ABCC4: variants seen among roughly 807,000 people sequenced by gnomAD.
ABCC4 encodes the protein ATP binding cassette subfamily C member 4 (PEL blood group).
Under a neutral mutation model 168.5 loss-of-function variants are expected in ABCC4, and 102 were observed. The observed-to-expected ratio is 0.61, with a 90% CI of 0.52 to 0.71. The LOEUF (loss-of-function observed/expected upper bound fraction) is 0.71, where lower values mean the gene tolerates loss of function less well. Ranked by LOEUF, ABCC4 falls within the 30% of genes least tolerant of loss-of-function variation. The pLI, the probability that ABCC4 is intolerant of heterozygous loss-of-function variation, is 0.00. For synonymous variants in ABCC4, 617 were observed against 590.7 expected (o/e 1.04, Z -0.65); for missense variants, 1,402 against 1,605.8 (o/e 0.87, Z 2.17).
In ABCC4 at chr13:95,161,237, C is replaced by G; in HGVS notation, c.2407G>C (p.Glu803Gln). Residue 803 changes from glutamate (E) to glutamine (Q), a missense_variant, in exon 19 of 31, where the codon GAG (glutamate) becomes CAG (glutamine). By Grantham distance (29) the Glu-to-Gln change is conservative. Around this residue, in one of 3 missense-constraint regions of ABCC4, gnomAD observed 1,007 missense variants for 1,127.3 expected, o/e 0.89. Coordinates refer to ENST00000645237, the MANE Select transcript of ABCC4 (RefSeq NM_005845.5). ...SSQTLHNKMF[E>Q]SILKAPVLFF... Reference sequence around the variant, plus strand: ...AATACCGGAGCTTTCAGAATTGACTCAAACATTTTGTTGTGCAAAGTTTGT... The same window carrying G: ...AATACCGGAGCTTTCAGAATTGACTGAAACATTTTGTTGTGCAAAGTTTGT... 6.2e-7 allele frequency: 1 copy of G among 1,610,976 alleles called. No individual in the cohort carries two copies. Among genetic ancestry groups the G allele is most frequent in the African/African-American group, 1.3e-5 (1 of 74,936 alleles).
chr13:95,137,976 G>A (rs2036193567), intron 19 of ABCC4, among the ~76,000 whole-genome samples: 1 of 152,072 alleles, frequency 6.6e-6, no homozygotes, highest in South Asian at 2.1e-4. Flanking sequence ...TATTTTCTTT[G>A]GGGAAAGTGG....
chr13:95,097,717 G>A (rs1487677554), intron 20 of ABCC4, among the ~76,000 whole-genome samples: 3 of 139,792 alleles, frequency 2.1e-5, no homozygotes, highest in Non-Finnish European at 3.0e-5. Flanking sequence ...ATATGTTATC[G>A]AATTACAACA....
At chr13:95,253,738 C>T (rs893253718) in intron 1 of ABCC4, among the ~76,000 whole-genome samples, 2 of 150,658 alleles carry the variant, frequency 1.3e-5, no homozygotes, top group Admixed American at 1.3e-4. Flanking sequence ...AGCGAGACCC[C>T]ATCAAAAAAA....
chr13:95,141,702 C>A (rs1248216449), intron 19 of ABCC4, among the ~76,000 whole-genome samples: 2 of 152,176 alleles, frequency 1.3e-5, no homozygotes, highest in African/African-American at 4.8e-5. Flanking sequence ...CTAATCCAAT[C>A]ATCCAAGGAG....
intron 20 of ABCC4, among the ~76,000 whole-genome samples, chr13:95,102,000 T>G (rs1356963408): frequency 1.3e-5 from 2 of 152,178 alleles, no homozygotes; most frequent in Non-Finnish European, 2.9e-5. Flanking sequence ...ATGGAATAGG[T>G]AGAATTTTCT....
At chr13:95,069,878 G>A (rs2033668942) in intron 25 of ABCC4, among the ~76,000 whole-genome samples, 1 of 152,128 alleles carries the variant, frequency 6.6e-6, no homozygotes, top group African/African-American at 2.4e-5. Context: ...ATGGACACTT[G>A]GGCTGCTTCC....
intron 19 of ABCC4, among the ~76,000 whole-genome samples, chr13:95,124,323 C>T (rs2035675727): frequency 6.6e-6 from 1 of 152,100 alleles, no homozygotes; most frequent in Non-Finnish European, 1.5e-5. Context: ...CGGTGCCTTC[C>T]TCACTGAGAG....
intron 19 of ABCC4, among the ~76,000 whole-genome samples, chr13:95,127,087 C>A (rs1350083982): frequency 6.6e-6 from 1 of 151,708 alleles, no homozygotes; most frequent in African/African-American, 2.4e-5. Flanking sequence ...GGGGAATGTT[C>A]ACCTATCCAA....
intron 20 of ABCC4, among the ~76,000 whole-genome samples, chr13:95,100,156 G>A (rs1040878845): frequency 6.6e-6 from 1 of 152,130 alleles, no homozygotes; most frequent in Non-Finnish European, 1.5e-5. Flanking sequence ...AGAAGAGAAA[G>A]CACCACGAAT....
chr13:95,068,710 T>G (rs1229227247), intron 25 of ABCC4, among the ~76,000 whole-genome samples: 3 of 151,592 alleles, frequency 2.0e-5, no homozygotes, highest in Admixed American at 6.6e-5. Context: ...TTTGGGGGGG[T>G]TTTAAGATGG....
At chr13:95,153,946 C>T (rs557328223) in intron 19 of ABCC4, among the ~76,000 whole-genome samples, 1 of 152,212 alleles carries the variant, frequency 6.6e-6, no homozygotes, top group East Asian at 1.9e-4. Context: ...CTTCGTATCA[C>T]CCCTGATAAG....
chr13:95,024,687 C>T (rs2031301977), intron 30 of ABCC4, among the ~76,000 whole-genome samples: 1 of 152,104 alleles, frequency 6.6e-6, no homozygotes, highest in South Asian at 2.1e-4. Flanking sequence ...GCCTCAAGTT[C>T]ATCATTTTTA....
rs192068848 is a variant in ABCC4 at position 95,138,830 on chromosome 13, C to G, written c.2455+22359G>C. Among the ~76,000 whole-genome samples, 6 of 152,368 alleles carry G rather than the reference C, an allele frequency of 3.9e-5. No individual in the cohort carries two copies. In the East Asian group the frequency reaches 1.2e-3, roughly 29 times the overall value. ...AGTTTAAAATCCTTTATCTGCCCTGCATGGCCCAACCTGGCCTGGGCAGGC... is the reference window on the plus strand; with the variant it reads ...AGTTTAAAATCCTTTATCTGCCCTGGATGGCCCAACCTGGCCTGGGCAGGC... On this transcript the variant is annotated intron_variant, in intron 19 of 30. Transcript: ENST00000645237.
intron 16 of ABCC4, 89 bp downstream of exon 16, chr13:95,164,289 C>T (rs1382410536): frequency 1.6e-5 from 24 of 1,497,956 alleles, no homozygotes; most frequent in Non-Finnish European, 2.1e-5. Flanking sequence ...ATTCAGACCC[C>T]AAGTGAACTG....
chr13:95,113,554 G>C (rs1462414779), intron 20 of ABCC4, among the ~76,000 whole-genome samples: 2 of 127,294 alleles, frequency 1.6e-5, no homozygotes, highest in South Asian at 2.9e-4. Context: ...CTTACAGAGA[G>C]GCCTAGGCAA....
chr13:95,146,148 T>G (rs1370965866), intron 19 of ABCC4, among the ~76,000 whole-genome samples: 8 of 151,074 alleles, frequency 5.3e-5, no homozygotes, highest in Non-Finnish European at 8.8e-5. Context: ...GAGGCGGAAG[T>G]TGCAGTGAGC....
chr13:95,209,912 T>C (rs2038904833), intron 5 of ABCC4, among the ~76,000 whole-genome samples: 1 of 152,252 alleles, frequency 6.6e-6, no homozygotes, highest in Non-Finnish European at 1.5e-5. Context: ...AGCTCCCATA[T>C]GCCCTGGGGC....
intron 30 of ABCC4, among the ~76,000 whole-genome samples, chr13:95,026,867 C>T (rs1396174020): frequency 1.4e-5 from 2 of 144,466 alleles, no homozygotes. Flanking sequence ...CCAGCCTGGA[C>T]AACAGAGCAA....
chr13:95,154,524 G>C (rs2036795523), intron 19 of ABCC4, among the ~76,000 whole-genome samples: 1 of 152,104 alleles, frequency 6.6e-6, no homozygotes, highest in African/African-American at 2.4e-5. Flanking sequence ...GGCATCAATG[G>C]GCATATTACC....
Sources: allele counts gnomAD v4.1 joint callset (sites outside exome capture counted in the v4.1 genomes callset), GRCh38; gene constraint gnomAD v4.1.1; regional missense constraint gnomAD v4.1.1; transcripts MANE v1.5; gene names NCBI Gene and HGNC (gene_info 2026-07-23, HGNC 2026-07-21).